SLC35F4: variants seen among roughly 807,000 people sequenced by gnomAD.
The protein encoded by SLC35F4 is solute carrier family 35 member F4, also known as chromosome 14 open reading frame 36.
In SLC35F4, 24 loss-of-function variants were observed where a neutral mutation model predicts 44.2. The observed-to-expected ratio is 0.54, with a 90% confidence interval of 0.39 to 0.76. The LOEUF (loss-of-function observed/expected upper bound fraction) is 0.76. Ranked by LOEUF, SLC35F4 falls within the 30% of genes least tolerant of loss-of-function variation. The probability of loss-of-function intolerance (pLI) is 0.00; values close to 1 mark genes in which losing one functional copy is unlikely to be tolerated. For synonymous variants in SLC35F4, 238 were observed against 223.6 expected (o/e 1.06, Z -0.57); for missense variants, 562 against 586.1 (o/e 0.96, Z 0.42).
chr14:57,734,095 A>G (rs375308353), intron 1 of SLC35F4, among the ~76,000 whole-genome samples: 4 of 152,288 alleles, frequency 2.6e-5, no homozygotes, highest in Middle Eastern at 3.4e-3. Flanking sequence ...TTGGGGGGAA[A>G]GCTGTCTTAT....
chr14:57,611,656 G>C (rs1475589626), intron 1 of SLC35F4, among the ~76,000 whole-genome samples: 1 of 152,084 alleles, frequency 6.6e-6, no homozygotes, highest in Non-Finnish European at 1.5e-5. Flanking sequence ...CAAGGAGATT[G>C]AAAGTGAAAG....
intron 4 of SLC35F4, among the ~76,000 whole-genome samples, chr14:57,576,023 G>A (rs547125602): frequency 4.8e-4 from 72 of 148,790 alleles, no homozygotes; most frequent in African/African-American, 1.7e-3. Flanking sequence ...CTTTTGGCTC[G>A]GGCCATCAAA....
intron 1 of SLC35F4, among the ~76,000 whole-genome samples, chr14:57,766,137 C>T (rs2077229257): frequency 6.6e-6 from 1 of 152,158 alleles, no homozygotes; most frequent in Non-Finnish European, 1.5e-5. Context: ...GCCCAGGAGG[C>T]ACATAAAGGC....
At chr14:57,750,799 T>A (rs2076866758) in intron 1 of SLC35F4, among the ~76,000 whole-genome samples, 1 of 152,188 alleles carries the variant, frequency 6.6e-6, no homozygotes, top group African/African-American at 2.4e-5. Flanking sequence ...TAGTCCCCTG[T>A]CTGATGAATA....
At chr14:57,937,569 GAA>G (rs1889821702) in intron 1 of SLC35F4, among the ~76,000 whole-genome samples, 1 of 111,264 alleles carries the variant, frequency 9.0e-6, no homozygotes, top group East Asian at 2.5e-4. Flanking sequence ...GAAAAGAAAA[GAA>G]AAGAGAAAAG....
chr14:57,864,049 A>G (rs1368764003), intron 1 of SLC35F4, among the ~76,000 whole-genome samples: 1 of 152,170 alleles, frequency 6.6e-6, no homozygotes, highest in Non-Finnish European at 1.5e-5. Flanking sequence ...CTTTTTCAGT[A>G]TTCTTTTTGG....
At chr14:57,602,248 C>G (rs1408904772) in intron 1 of SLC35F4, 3 of 151,784 alleles carry the variant, frequency 2.0e-5, no homozygotes, top group African/African-American at 7.3e-5. Context: ...GGAGGAGAGC[C>G]TAGGGCAGCT....
intron 1 of SLC35F4, among the ~76,000 whole-genome samples, chr14:57,844,375 T>C (rs1199407584): frequency 6.6e-6 from 1 of 152,062 alleles, no homozygotes; most frequent in African/African-American, 2.4e-5. Context: ...ACCAATGGGG[T>C]CGATGTTGAA....
intron 1 of SLC35F4, among the ~76,000 whole-genome samples, chr14:57,755,545 C>T (rs1048143642): frequency 2.6e-5 from 4 of 152,134 alleles, no homozygotes; most frequent in African/African-American, 9.7e-5. Flanking sequence ...ATTTCTTTTG[C>T]ACCCCTAAGC....
At chr14:57,926,887 C>A (rs1486059235) in intron 1 of SLC35F4, among the ~76,000 whole-genome samples, 2 of 152,110 alleles carry the variant, frequency 1.3e-5, no homozygotes, top group Non-Finnish European at 2.9e-5. Flanking sequence ...TGAAGTGGAG[C>A]CTGCGATTCC....
chr14:57,731,660 T>C (rs1481265247), intron 1 of SLC35F4, among the ~76,000 whole-genome samples: 1 of 152,232 alleles, frequency 6.6e-6, no homozygotes, highest in Non-Finnish European at 1.5e-5. Context: ...AATCTGAGAA[T>C]CTTCCTGCAT....
chr14:57,864,116 C>G (rs1161378035), intron 1 of SLC35F4, among the ~76,000 whole-genome samples: 1 of 152,144 alleles, frequency 6.6e-6, no homozygotes, highest in African/African-American at 2.4e-5. Flanking sequence ...ATAAACCACC[C>G]TGAGTCTTGT....
intron 1 of SLC35F4, among the ~76,000 whole-genome samples, chr14:57,879,429 C>T (rs968021966): frequency 2.6e-5 from 4 of 152,046 alleles, no homozygotes; most frequent in African/African-American, 4.8e-5. Context: ...CTAGGAGTCC[C>T]TCAACAAATG....
chr14:57,980,445 G>T (rs911920418), intron 1 of SLC35F4, among the ~76,000 whole-genome samples: 2 of 152,162 alleles, frequency 1.3e-5, no homozygotes, highest in Non-Finnish European at 2.9e-5. Context: ...CAGCACCTCT[G>T]GGCTGTTAGT....
chr14:57,948,739 T>C (rs1284722793), intron 1 of SLC35F4, among the ~76,000 whole-genome samples: 2 of 152,164 alleles, frequency 1.3e-5, no homozygotes, highest in Non-Finnish European at 2.9e-5. Flanking sequence ...TGTGACACTA[T>C]TATCATTCGG....
intron 1 of SLC35F4, among the ~76,000 whole-genome samples, chr14:57,957,581 A>G (rs964185999): frequency 2.6e-5 from 4 of 152,184 alleles, no homozygotes; most frequent in African/African-American, 9.7e-5. Context: ...GAAATTTTCA[A>G]TTGCCCAACA....
chr14:57,887,125 T>A (rs766510006), intron 1 of SLC35F4, among the ~76,000 whole-genome samples: 1 of 152,164 alleles, frequency 6.6e-6, no homozygotes, highest in African/African-American at 2.4e-5. Flanking sequence ...AGAAATCATC[T>A]TTTCCCTGAG....
chr14:57,692,023 G>A (rs1421045627), intron 1 of SLC35F4, among the ~76,000 whole-genome samples: 1 of 152,184 alleles, frequency 6.6e-6, no homozygotes, highest in Non-Finnish European at 1.5e-5. Flanking sequence ...ATGCAAAAAG[G>A]TGAAATAGGA....
intron 1 of SLC35F4, among the ~76,000 whole-genome samples, chr14:57,925,174 C>T (rs1016670799): frequency 3.9e-5 from 6 of 152,014 alleles, no homozygotes; most frequent in Non-Finnish European, 8.8e-5. Context: ...CCCATAGGCC[C>T]CACTTCCATT....
Sources: allele counts gnomAD v4.1 joint callset (sites outside exome capture counted in the v4.1 genomes callset), GRCh38; gene constraint gnomAD v4.1.1; transcripts MANE v1.5; gene names NCBI Gene and HGNC (gene_info 2026-07-23, HGNC 2026-07-21).